DYM: variants seen among roughly 807,000 people sequenced by gnomAD.
DYM encodes dyggve-Melchior-Clausen syndrome protein.
A neutral mutation model predicts 93.1 loss-of-function variants in DYM; 78 were observed. The ratio of observed to expected loss-of-function variants is 0.84; its 90% CI spans 0.70 to 1.01. The LOEUF (loss-of-function observed/expected upper bound fraction) is 1.01. DYM is among the 50% of genes least tolerant of loss of function. The probability of loss-of-function intolerance (pLI) is 0.00; values close to 1 mark genes in which losing one functional copy is unlikely to be tolerated. For synonymous variants in DYM, 321 were observed against 319.7 expected (o/e 1.00, Z -0.04); for missense variants, 789 against 845.0 (o/e 0.93, Z 0.82).
intron 13 of DYM, among the ~76,000 whole-genome samples, chr18:49,211,688 C>T (rs2092792952): frequency 6.6e-6 from 1 of 152,158 alleles, no homozygotes; most frequent in Non-Finnish European, 1.5e-5. Flanking sequence ...GCATTGAAGA[C>T]AGGGTGGGGA....
chr18:49,391,762 A>C (rs1029276611), intron 2 of DYM, 117 bp from the exon 3 acceptor site: 4 of 789,080 alleles, frequency 5.1e-6, no homozygotes, highest in Non-Finnish European at 8.0e-6. Flanking sequence ...AATATGGTGC[A>C]CAGTAGTGAA....
At chr18:49,209,892 T>C (rs1271259930) in intron 13 of DYM, among the ~76,000 whole-genome samples, 177 bp from the exon 14 acceptor site, 1 of 148,610 alleles carries the variant, frequency 6.7e-6, no homozygotes, top group Non-Finnish European at 1.5e-5. Flanking sequence ...GAATAAAAAA[T>C]GGGCAAAAGA....
chr18:49,085,131 C>G (rs940498391), intron 17 of DYM, among the ~76,000 whole-genome samples: 1 of 152,142 alleles, frequency 6.6e-6, no homozygotes, highest in Non-Finnish European at 1.5e-5. Flanking sequence ...GTTCTAGATA[C>G]AATGTATGAC....
chr18:49,453,269 A>G (rs2082683790), intron 1 of DYM, among the ~76,000 whole-genome samples: 1 of 152,046 alleles, frequency 6.6e-6, no homozygotes, highest in Non-Finnish European at 1.5e-5. Context: ...TGGACCAATC[A>G]GCAGGATGTG....
At chr18:49,319,848 A>AC (rs2062327561) in intron 8 of DYM, among the ~76,000 whole-genome samples, 2 of 151,954 alleles carry the variant, frequency 1.3e-5, no homozygotes, top group African/African-American at 2.4e-5. Flanking sequence ...CAAGTATGGG[A>AC]CCCCTGTGTC....
chr18:49,075,733 C>A (rs1208307357), intron 17 of DYM, among the ~76,000 whole-genome samples: 2 of 152,070 alleles, frequency 1.3e-5, no homozygotes, highest in African/African-American at 4.8e-5. Flanking sequence ...GTCTTGGAAA[C>A]AAGGAATGGC....
chr18:49,372,080 T>A (rs1221503608), intron 5 of DYM, among the ~76,000 whole-genome samples: 1 of 152,230 alleles, frequency 6.6e-6, no homozygotes, highest in African/African-American at 2.4e-5. Flanking sequence ...GGCCCTCTAC[T>A]TTTGTAAATT....
chr18:49,180,145 T>C (rs1396171454), intron 14 of DYM, among the ~76,000 whole-genome samples: 2 of 152,120 alleles, frequency 1.3e-5, no homozygotes, highest in East Asian at 1.9e-4. Flanking sequence ...ATCTAATCTG[T>C]TCAGTCAAAA....
chr18:49,179,612 A>G (rs760921860), intron 14 of DYM, among the ~76,000 whole-genome samples: 11 of 152,158 alleles, frequency 7.2e-5, no homozygotes, highest in Non-Finnish European at 1.3e-4. Context: ...CCATCTATAG[A>G]GTATCTATTA....
chr18:49,125,769 C>A (rs575472519), intron 15 of DYM, among the ~76,000 whole-genome samples: 23 of 152,220 alleles, frequency 1.5e-4, no homozygotes, highest in African/African-American at 4.6e-4. Context: ...GGTCAACCAG[C>A]CCATCCTTGA....
Position 49,258,466 on chromosome 18 carries a change from C to T in DYM, c.1279G>A (p.Glu427Lys). 1.9e-6 allele frequency: 3 copies of T among 1,611,866 alleles called. No individual in the cohort carries two copies. Among genetic ancestry groups the T allele is most frequent in the Non-Finnish European group, 2.5e-6 (3 of 1,178,062 alleles). ...AAGGAGATTTCAGTTAAAACTCGTT[C>T]TGAATACCAAGTAATATTTTTTAGT... ...VILKNITWYS[E>K]RVLTEISLGS... is the part of the protein sequence containing the mutation. Residue 427 changes from glutamate to lysine, a missense_variant, in exon 12 of 18, where the codon GAA becomes AAA. By Grantham distance (56) the Glu-to-Lys change is moderately conservative (BLOSUM62 1). This residue lies in a region of DYM where 225 missense variants were observed against 303.0 expected (regional missense o/e 0.74). Coordinates refer to ENST00000675505, the MANE Select transcript of DYM (RefSeq NM_001353214.3).
chr18:49,422,128 A>G lies in DYM; in HGVS notation c.140+8127T>C, dbSNP rs1330111392. Among the ~76,000 whole-genome samples the G allele has an allele frequency of 4.6e-5, 7 of 152,222 alleles. No homozygotes were observed. The East Asian group carries it at 1.3e-3, about 29-fold the overall frequency. On this transcript the variant is annotated intron_variant, in intron 2 of 17. Coordinates refer to ENST00000675505, the MANE Select transcript of DYM (RefSeq NM_001353214.3). ...TTCCCCAACCTAGTAAGGCAGGCCAACATTCAAATTCAGGAAATACAGAGA... is the reference window on the plus strand; with the variant it reads ...TTCCCCAACCTAGTAAGGCAGGCCAGCATTCAAATTCAGGAAATACAGAGA...
chr18:49,418,343 T>C (rs77724976), intron 2 of DYM, among the ~76,000 whole-genome samples: 2,090 of 152,304 alleles, frequency 0.014, 46 homozygotes, highest in African/African-American at 0.047. Context: ...GTCATATAAG[T>C]AGTTTAAAAT....
intron 15 of DYM, among the ~76,000 whole-genome samples, chr18:49,143,748 ACTTT>A (rs2144520928): frequency 6.6e-6 from 1 of 152,256 alleles, no homozygotes; most frequent in Non-Finnish European, 1.5e-5. Flanking sequence ...AACCTCTGTA[ACTTT>A]CTTTATCGAG....
intron 13 of DYM, among the ~76,000 whole-genome samples, chr18:49,254,386 G>A (rs966831739): frequency 4.7e-5 from 7 of 149,810 alleles, no homozygotes; most frequent in Non-Finnish European, 1.0e-4. Context: ...CTTGAGGTCA[G>A]GAAACTTTAT....
intron 14 of DYM, among the ~76,000 whole-genome samples, chr18:49,205,513 T>A (rs1243730149): frequency 1.3e-5 from 2 of 152,092 alleles, no homozygotes; most frequent in South Asian, 2.1e-4. Flanking sequence ...TTCATATTTT[T>A]AAATTATAAA....
At chr18:49,202,805 C>T (rs1198905446) in intron 14 of DYM, among the ~76,000 whole-genome samples, 1 of 54,250 alleles carries the variant, frequency 1.8e-5, no homozygotes, top group African/African-American at 6.2e-5. Context: ...GGCAGCTGCC[C>T]CGTCTGAGAA....
intron 8 of DYM, among the ~76,000 whole-genome samples, chr18:49,329,923 A>G (rs1599469934): frequency 6.6e-6 from 1 of 152,364 alleles, no homozygotes; most frequent in South Asian, 2.1e-4. Flanking sequence ...AGAATTCTTT[A>G]ACTACCAACC....
chr18:49,257,188 T>C, intron 12 of DYM, 84 bp from the exon 13 acceptor site: 1 of 1,031,866 alleles, frequency 9.7e-7, no homozygotes. Flanking sequence ...GAAGCAAATG[T>C]AAACTCAGTT....
Sources: gnomAD v4.1 joint callset for allele counts (sites outside exome capture counted in the v4.1 genomes callset) on GRCh38, gnomAD v4.1.1 for gene constraint, gnomAD v4.1.1 regional missense constraint, MANE v1.5 for transcripts, NCBI Gene and HGNC (gene_info 2026-07-23, HGNC 2026-07-21) for gene names.